Variants in CYP19A1 observed in about 807,000 individuals in gnomAD.
CYP19A1 encodes cytochrome P450 family 19 subfamily A member 1.
CYP19A1 carries 32 observed loss-of-function variants against 44.4 expected under a neutral mutation model. That is an observed-to-expected ratio of 0.72 (90% CI 0.54 to 0.97). The LOEUF (loss-of-function observed/expected upper bound fraction) is 0.97. Ranked by LOEUF, CYP19A1 falls within the 50% of genes least tolerant of loss-of-function variation. The pLI is 0.00. For missense variants in CYP19A1, 598 were observed against 637.8 expected (o/e 0.94, Z 0.67); for synonymous variants, 212 against 215.6 (o/e 0.98, Z 0.14).
intron 1 of CYP19A1, among the ~76,000 whole-genome samples, chr15:51,326,831 G>A (rs1445911636): frequency 1.3e-5 from 2 of 152,182 alleles, no homozygotes; most frequent in Non-Finnish European, 2.9e-5. Context: ...TTTTAACTTC[G>A]TGGTGTATCT....
intron 4 of CYP19A1, among the ~76,000 whole-genome samples, chr15:51,226,973 C>T (rs1172793938): frequency 1.3e-5 from 2 of 152,138 alleles, no homozygotes; most frequent in Non-Finnish European, 2.9e-5. Context: ...TCACAAATTG[C>T]TTCCTGCTAA....
chr15:51,246,717 G>T (rs1327270262), intron 1 of CYP19A1, among the ~76,000 whole-genome samples: 1 of 152,152 alleles, frequency 6.6e-6, no homozygotes, highest in Non-Finnish European at 1.5e-5. Context: ...ACAGGGAGGG[G>T]AGGCAGGCCC....
chr15:51,292,634 C>T (rs555288850), intron 1 of CYP19A1, among the ~76,000 whole-genome samples: 24 of 152,320 alleles, frequency 1.6e-4, no homozygotes, highest in East Asian at 1.4e-3. Context: ...GGGAAAGCTT[C>T]CTTCACTTGC....
intron 3 of CYP19A1, among the ~76,000 whole-genome samples, chr15:51,233,969 C>T (rs2033213593): frequency 6.6e-6 from 1 of 152,190 alleles, no homozygotes; most frequent in South Asian, 2.1e-4. Context: ...TGCCTGACTT[C>T]TCCCCTGAAG....
intron 5 of CYP19A1, among the ~76,000 whole-genome samples, chr15:51,220,278 C>G (rs929254079): frequency 6.6e-6 from 1 of 152,228 alleles, no homozygotes; most frequent in Admixed American, 6.5e-5. Context: ...CCCTCCTTCA[C>G]TTCCTGTCCT....
chr15:51,300,974 A>G (rs2036100460), intron 1 of CYP19A1, among the ~76,000 whole-genome samples: 1 of 152,216 alleles, frequency 6.6e-6, no homozygotes, highest in Non-Finnish European at 1.5e-5. Flanking sequence ...ACAGAAGTGA[A>G]TAGGAGGCTA....
At chr15:51,260,198 C>G (rs1344350782) in intron 1 of CYP19A1, among the ~76,000 whole-genome samples, 2 of 152,154 alleles carry the variant, frequency 1.3e-5, no homozygotes, top group Admixed American at 6.5e-5. Flanking sequence ...ATATACGACA[C>G]AGATTCAGAT....
At chr15:51,263,452 C>G (rs1045624136) in intron 1 of CYP19A1, among the ~76,000 whole-genome samples, 2 of 152,326 alleles carry the variant, frequency 1.3e-5, no homozygotes, top group South Asian at 2.1e-4. Context: ...GGAGAATAGA[C>G]AGAATGGGTG....
chr15:51,227,858 G>A lies in CYP19A1; in HGVS notation c.372C>T (p.Cys124=). The A allele has an allele frequency of 6.5e-7, 1 of 1,531,398 alleles. No individual in the cohort carries two copies. The highest frequency in any genetic ancestry group is 9.1e-7 in the Non-Finnish European group (1 of 1,104,594). The allele number at this position is 1,531,398 out of a possible 1,614,324, so 94.9% of individuals were successfully genotyped here. Reference sequence around the variant, plus strand: ...TGATGCCTTTCTCATGCATACCGATGCACTGCAGCCCAAGTTTGCTGCCGA... The same window carrying A: ...TGATGCCTTTCTCATGCATACCGATACACTGCAGCCCAAGTTTGCTGCCGA... ...SRFGSKLGLQ[C]IGMHEKGIIF... Residue 124 remains cysteine (C), a synonymous_variant, in exon 4 of 10, where the codon TGC becomes TGT. Transcript: ENST00000396402.
intron 1 of CYP19A1, among the ~76,000 whole-genome samples, chr15:51,268,792 G>T (rs1001470628): frequency 2.0e-5 from 3 of 151,978 alleles, no homozygotes; most frequent in African/African-American, 7.2e-5. Flanking sequence ...ATCTTAATTT[G>T]CATTTTCCTG....
intron 1 of CYP19A1, among the ~76,000 whole-genome samples, chr15:51,259,421 GGGATTTGGGGGAGT>G (rs1301130932): frequency 1.3e-5 from 2 of 152,190 alleles, no homozygotes; most frequent in African/African-American, 2.4e-5. Flanking sequence ...AGTTTCAAGG[GGGATTTGGGGGAGT>G]GAATCGGACA....
At chr15:51,319,214 C>T (rs980777573) in intron 1 of CYP19A1, among the ~76,000 whole-genome samples, 2 of 152,196 alleles carry the variant, frequency 1.3e-5, no homozygotes, top group Non-Finnish European at 2.9e-5. Flanking sequence ...GGAATGTGTT[C>T]ACCCAATTTT....
intron 2 of CYP19A1, among the ~76,000 whole-genome samples, chr15:51,239,642 A>G (rs2033624908): frequency 6.6e-6 from 1 of 152,104 alleles, no homozygotes; most frequent in Non-Finnish European, 1.5e-5. Flanking sequence ...GATAAAAAAA[A>G]AAAGCAAGGG....
At chr15:51,262,293 A>ATTTAC (rs2034755486) in intron 1 of CYP19A1, among the ~76,000 whole-genome samples, 1 of 152,196 alleles carries the variant, frequency 6.6e-6, no homozygotes. Flanking sequence ...GTCAATAAAT[A>ATTTAC]TGTGGGTAAA....
chr15:51,243,116 G>C (rs1243039574), intron 1 of CYP19A1, 166 bp from the exon 2 acceptor site: 1 of 589,422 alleles, frequency 1.7e-6, no homozygotes, highest in African/African-American at 1.9e-5. Flanking sequence ...AAACAAGGAA[G>C]CCCAAGAAAG....
chr15:51,248,806 GA>G (rs1428633093), intron 1 of CYP19A1, among the ~76,000 whole-genome samples: 2 of 152,102 alleles, frequency 1.3e-5, no homozygotes, highest in African/African-American at 2.4e-5. Context: ...CTCCTTCTCA[GA>G]CCTTCTCTTT....
At chr15:51,327,506 T>G (rs75608976) in intron 1 of CYP19A1, among the ~76,000 whole-genome samples, 1 of 151,910 alleles carries the variant, frequency 6.6e-6, no homozygotes, top group Non-Finnish European at 1.5e-5. Context: ...TTTTTTTTTT[T>G]CCTTTGAGGC....
chr15:51,314,432 A>G (rs1446483979), intron 1 of CYP19A1, among the ~76,000 whole-genome samples: 3 of 152,160 alleles, frequency 2.0e-5, no homozygotes, highest in African/African-American at 2.4e-5. Context: ...AGGTTCCTAC[A>G]TAGGTGGCCC....
intron 1 of CYP19A1, among the ~76,000 whole-genome samples, chr15:51,321,455 C>A (rs1004983): frequency 0.39 from 60,025 of 151,990 alleles, 12,256 homozygotes; most frequent in South Asian, 0.47. Flanking sequence ...CCCCATCTTT[C>A]GATTCGAAAT....
Sources: gnomAD v4.1 joint callset for allele counts (sites outside exome capture counted in the v4.1 genomes callset) on GRCh38, gnomAD v4.1.1 for gene constraint, MANE v1.5 for transcripts, NCBI Gene and HGNC (gene_info 2026-07-23, HGNC 2026-07-21) for gene names.